LCORL: variants seen among roughly 807,000 people sequenced by gnomAD.
LCORL encodes the protein ligand dependent nuclear receptor corepressor like.
LCORL carries 41 observed loss-of-function variants against 141.8 expected under a neutral mutation model. The ratio of observed to expected loss-of-function variants is 0.29; its 90% CI spans 0.23 to 0.38. The LOEUF is 0.38. Among genes scored for constraint, LCORL ranks in the 10% least tolerant of loss-of-function variants. The pLI is 1.00. For missense variants in LCORL, 1,759 were observed against 2,035.0 expected, an observed-to-expected ratio of 0.86 and a Z score of 2.61; for synonymous variants, 618 against 694.1, an observed-to-expected ratio of 0.89 and a Z score of 1.72.
At chr4:17,849,580 ACAG>A (rs1273145351) in intron 7 of LCORL, among the ~76,000 whole-genome samples, 1 of 152,282 alleles carries the variant, frequency 6.6e-6, no homozygotes, top group East Asian at 1.9e-4. Context: ...TGGGGAAAAA[ACAG>A]CAGAAAAACT....
At chr4:17,885,995 G>T (rs2109224400) in intron 6 of LCORL, 73 bp downstream of exon 6, 2 of 800,434 alleles carry the variant, frequency 2.5e-6, no homozygotes, top group Non-Finnish European at 3.9e-6. Flanking sequence ...ATACTACTCA[G>T]AATAGTATTA....
At chr4:17,983,960 G>A (rs1718483435) in intron 1 of LCORL, among the ~76,000 whole-genome samples, 1 of 152,136 alleles carries the variant, frequency 6.6e-6, no homozygotes, top group South Asian at 2.1e-4. Context: ...CTAGTTTATT[G>A]AGAATTTTTA....
chr4:17,918,538 G>C (rs1240177453), intron 4 of LCORL, among the ~76,000 whole-genome samples: 1 of 152,170 alleles, frequency 6.6e-6, no homozygotes, highest in African/African-American at 2.4e-5. Flanking sequence ...GACAGAAATT[G>C]TGATGTTGAA....
At chr4:17,906,509 T>C (rs1731642832) in intron 5 of LCORL, among the ~76,000 whole-genome samples, 1 of 152,200 alleles carries the variant, frequency 6.6e-6, no homozygotes, top group Admixed American at 6.5e-5. Context: ...TATAGATTTA[T>C]ATCCACTATC....
intron 4 of LCORL, among the ~76,000 whole-genome samples, chr4:17,948,235 A>G (rs1202122256): frequency 6.6e-6 from 1 of 152,018 alleles, no homozygotes; most frequent in Non-Finnish European, 1.5e-5. Context: ...CTCAACAAGT[A>G]TTTAGTGTGA....
At chr4:17,860,956 A>G (rs1724936666) in intron 7 of LCORL, among the ~76,000 whole-genome samples, 1 of 152,056 alleles carries the variant, frequency 6.6e-6, no homozygotes, top group Admixed American at 6.5e-5. Flanking sequence ...GGGCAGCTCC[A>G]CCCCTGTAGC....
At chr4:17,856,538 T>C (rs1274049394) in intron 7 of LCORL, among the ~76,000 whole-genome samples, 1 of 152,212 alleles carries the variant, frequency 6.6e-6, no homozygotes, top group African/African-American at 2.4e-5. Flanking sequence ...AGCCATGCCA[T>C]CTATGTTATT....
chr4:17,921,898 T>C (rs539214795), intron 4 of LCORL, among the ~76,000 whole-genome samples: 1 of 152,188 alleles, frequency 6.6e-6, no homozygotes, highest in Admixed American at 6.5e-5. Context: ...TCGCGCTGGA[T>C]GCTTCCTGCC....
At chr4:17,975,116 T>A (rs2077462753) in intron 1 of LCORL, among the ~76,000 whole-genome samples, 1 of 152,080 alleles carries the variant, frequency 6.6e-6, no homozygotes, top group Admixed American at 6.6e-5. Context: ...AATTATTTTT[T>A]ATTTTCACTG....
chr4:17,946,683 C>CA (rs980553680), intron 4 of LCORL, among the ~76,000 whole-genome samples: 3 of 151,852 alleles, frequency 2.0e-5, no homozygotes, highest in African/African-American at 4.8e-5. Flanking sequence ...ATGGTAGAGT[C>CA]AAAATTATCC....
At chr4:17,968,587 A>G (rs1487631048) in intron 2 of LCORL, among the ~76,000 whole-genome samples, 2 of 152,220 alleles carry the variant, frequency 1.3e-5, no homozygotes, top group Admixed American at 6.5e-5. Context: ...AGTCAGTATT[A>G]TAAGTCAGGG....
intron 2 of LCORL, among the ~76,000 whole-genome samples, chr4:17,964,628 T>G (rs1269610273): frequency 6.6e-6 from 1 of 152,104 alleles, no homozygotes; most frequent in Non-Finnish European, 1.5e-5. Flanking sequence ...TAGGCTTACG[T>G]AGGTTTCAAA....
At chr4:17,985,883 T>C (rs1435910104) in intron 1 of LCORL, among the ~76,000 whole-genome samples, 10 of 152,224 alleles carry the variant, frequency 6.6e-5, no homozygotes, top group Non-Finnish European at 1.5e-4. Context: ...TAAGTGTTCT[T>C]GTATTGGCTA....
exon 7 of LCORL, chr4:17,877,003 A>C (rs1326123918): frequency 1.6e-6 from 2 of 1,230,604 alleles, no homozygotes; most frequent in Non-Finnish European, 2.0e-6. Context: ...CCTTTGTCTG[A>C]TGAAGATATC....
chr4:17,954,600 A>C (rs2109558522), intron 4 of LCORL, among the ~76,000 whole-genome samples: 1 of 152,192 alleles, frequency 6.6e-6, no homozygotes, highest in African/African-American at 2.4e-5. Flanking sequence ...TGGGGGGAGA[A>C]GTAGAAACAA....
At chr4:18,006,642 G>A (rs1722861997) in intron 1 of LCORL, among the ~76,000 whole-genome samples, 1 of 152,178 alleles carries the variant, frequency 6.6e-6, no homozygotes, top group Non-Finnish European at 1.5e-5. Flanking sequence ...TGGCAGACAA[G>A]AGAAGAGAGC....
chr4:17,846,892 GTC>G (rs1723001000), intron 7 of LCORL, among the ~76,000 whole-genome samples: 1 of 152,116 alleles, frequency 6.6e-6, no homozygotes, highest in Non-Finnish European at 1.5e-5. Context: ...ATTGTTTCAT[GTC>G]TAATAGTCTG....
intron 1 of LCORL, among the ~76,000 whole-genome samples, chr4:17,984,302 A>T (rs1239714161): frequency 6.6e-6 from 1 of 151,922 alleles, no homozygotes; most frequent in Non-Finnish European, 1.5e-5. Flanking sequence ...TGGGGAGGAG[A>T]TCCTCTTCCT....
chr4:17,843,359 C>A (rs1722614847), exon 8 of LCORL: 3 of 1,612,044 alleles, frequency 1.9e-6, no homozygotes, highest in South Asian at 2.2e-5. Context: ...CAAGACGAGC[C>A]AAAACCGCAG....
Sources: gnomAD v4.1 joint callset for allele counts (sites outside exome capture counted in the v4.1 genomes callset) on GRCh38, gnomAD v4.1.1 for gene constraint, MANE v1.5 for transcripts, NCBI Gene and HGNC (gene_info 2026-07-23, HGNC 2026-07-21) for gene names.